Variants in ZFPM2 observed in about 807,000 individuals in gnomAD.
ZFPM2 encodes the protein zinc finger protein, FOG family member 2, also known as zinc finger protein ZFPM2.
In ZFPM2, 20 loss-of-function variants were observed where a neutral mutation model predicts 98.6. The ratio of observed to expected loss-of-function variants is 0.20; its 90% CI spans 0.14 to 0.29. The LOEUF is 0.29. Among genes scored for constraint, ZFPM2 ranks in the 10% least tolerant of loss-of-function variants. The pLI, the probability that ZFPM2 is intolerant of heterozygous loss-of-function variation, is 1.00. For synonymous variants in ZFPM2, 518 were observed against 502.7 expected, an observed-to-expected ratio of 1.03 and a Z score of -0.41; for missense variants, 1,310 against 1,388.6, an observed-to-expected ratio of 0.94 and a Z score of 0.90.
intron 3 of ZFPM2, among the ~76,000 whole-genome samples, chr8:105,445,453 C>A (rs1812347172): frequency 6.6e-6 from 1 of 151,826 alleles, no homozygotes. Context: ...AGCCTTCTGG[C>A]ATTTTCACCT....
At chr8:105,600,293 T>C (rs1816064597) in intron 4 of ZFPM2, among the ~76,000 whole-genome samples, 1 of 152,116 alleles carries the variant, frequency 6.6e-6, no homozygotes, top group South Asian at 2.1e-4. Context: ...CTATTAATGA[T>C]GGATTTGGGA....
chr8:105,657,470 A>G (rs752432923), intron 5 of ZFPM2, among the ~76,000 whole-genome samples: 1 of 152,122 alleles, frequency 6.6e-6, no homozygotes, highest in Non-Finnish European at 1.5e-5. Context: ...GAGATTTTGC[A>G]TTATACAGGA....
chr8:105,606,769 G>A (rs1816205603), intron 4 of ZFPM2, among the ~76,000 whole-genome samples: 1 of 152,016 alleles, frequency 6.6e-6, no homozygotes, highest in Non-Finnish European at 1.5e-5. Flanking sequence ...AAGAAAGTTT[G>A]TCCAACCATT....
At chr8:105,646,440 A>T (rs1817049104) in intron 5 of ZFPM2, among the ~76,000 whole-genome samples, 1 of 152,144 alleles carries the variant, frequency 6.6e-6, no homozygotes, top group Admixed American at 6.6e-5. Flanking sequence ...GATGAGGCAT[A>T]TCTGACCTCC....
chr8:105,472,185 A>T (rs1812917860), intron 3 of ZFPM2, among the ~76,000 whole-genome samples: 1 of 152,210 alleles, frequency 6.6e-6, no homozygotes, highest in African/African-American at 2.4e-5. Flanking sequence ...TCAAAGAATC[A>T]AACTAATAAT....
intron 5 of ZFPM2, among the ~76,000 whole-genome samples, chr8:105,651,236 C>G (rs954698286): frequency 2.0e-5 from 3 of 152,056 alleles, no homozygotes; most frequent in Non-Finnish European, 2.9e-5. Context: ...TACTCAGTGC[C>G]TGAGAGCCTC....
At chr8:105,508,822 T>G (rs1813754621) in intron 3 of ZFPM2, among the ~76,000 whole-genome samples, 1 of 151,514 alleles carries the variant, frequency 6.6e-6, no homozygotes, top group African/African-American at 2.4e-5. Context: ...CCCCTCGCAT[T>G]GTTGTGTTGG....
intron 3 of ZFPM2, among the ~76,000 whole-genome samples, chr8:105,521,911 A>T (rs1010828541): frequency 6.6e-6 from 1 of 152,198 alleles, no homozygotes; most frequent in African/African-American, 2.4e-5. Flanking sequence ...AAAAATAAGG[A>T]AGAACTTGCC....
At chr8:105,538,540 T>G (rs1011127410) in intron 3 of ZFPM2, among the ~76,000 whole-genome samples, 3 of 152,164 alleles carry the variant, frequency 2.0e-5, no homozygotes, top group African/African-American at 7.2e-5. Flanking sequence ...TTTAAATTGT[T>G]GTGTTGTCTG....
intron 5 of ZFPM2, among the ~76,000 whole-genome samples, chr8:105,639,925 T>C (rs1043001354): frequency 2.0e-5 from 3 of 152,002 alleles, no homozygotes; most frequent in African/African-American, 7.2e-5. Context: ...CACGTGATAC[T>C]TTTATTTTAG....
At chr8:105,322,064 CTAT>C (rs1389214662) in intron 1 of ZFPM2, among the ~76,000 whole-genome samples, 1 of 152,022 alleles carries the variant, frequency 6.6e-6, no homozygotes, top group Non-Finnish European at 1.5e-5. Flanking sequence ...CTCTCATAAG[CTAT>C]TATTGTAATC....
intron 1 of ZFPM2, 54 bp from the exon 2 acceptor site, chr8:105,419,090 T>C: frequency 6.4e-7 from 1 of 1,565,540 alleles, no homozygotes; most frequent in Non-Finnish European, 8.7e-7. Context: ...AAGGATTTTA[T>C]TTCACTGTCT....
intron 7 of ZFPM2, among the ~76,000 whole-genome samples, chr8:105,800,058 A>T (rs552592412): frequency 6.6e-6 from 1 of 152,330 alleles, no homozygotes; most frequent in Admixed American, 6.5e-5. Flanking sequence ...GTCATGTACA[A>T]AACAAAAAGA....
intron 5 of ZFPM2, among the ~76,000 whole-genome samples, chr8:105,650,030 A>T (rs926457467): frequency 7.9e-5 from 12 of 152,068 alleles, no homozygotes; most frequent in Non-Finnish European, 1.0e-4. Flanking sequence ...TTTGGTTGGT[A>T]GGCTATTAAT....
intron 5 of ZFPM2, among the ~76,000 whole-genome samples, chr8:105,661,330 A>G (rs1056960391): frequency 2.6e-5 from 4 of 152,112 alleles, no homozygotes; most frequent in Non-Finnish European, 5.9e-5. Flanking sequence ...ATGTGGAGTC[A>G]TTTTTCAGTT....
intron 3 of ZFPM2, among the ~76,000 whole-genome samples, chr8:105,477,982 T>A: frequency 6.6e-6 from 1 of 152,212 alleles, no homozygotes; most frequent in East Asian, 1.9e-4. Context: ...TGCAATTACT[T>A]CCATGATAAG....
intron 4 of ZFPM2, among the ~76,000 whole-genome samples, chr8:105,574,439 A>C (rs748733410): frequency 5.9e-5 from 9 of 152,156 alleles, no homozygotes; most frequent in Non-Finnish European, 1.3e-4. Context: ...CAGGTGTGTG[A>C]TTGGGGATTT....
At chr8:105,443,395 T>C (rs1812306615) in intron 2 of ZFPM2, among the ~76,000 whole-genome samples, 1 of 151,992 alleles carries the variant, frequency 6.6e-6, no homozygotes, top group South Asian at 2.1e-4. Context: ...TCATGTTTTT[T>C]TGTCTTCATA....
intron 4 of ZFPM2, among the ~76,000 whole-genome samples, chr8:105,579,681 A>AG (rs1371335836): frequency 6.6e-6 from 1 of 152,220 alleles, no homozygotes; most frequent in East Asian, 1.9e-4. Context: ...TGTTGGCAGC[A>AG]GAGTCAGCCT....
Sources: allele counts gnomAD v4.1 joint callset (sites outside exome capture counted in the v4.1 genomes callset), GRCh38; gene constraint gnomAD v4.1.1; transcripts MANE v1.5; gene names NCBI Gene and HGNC (gene_info 2026-07-23, HGNC 2026-07-21).